PALM2AKAP2: variants seen among roughly 807,000 people sequenced by gnomAD.
PALM2AKAP2 encodes PALM2 and AKAP2 fusion, also known as PALM2-AKAP2 fusion protein.
Under a neutral mutation model 71.5 loss-of-function variants are expected in PALM2AKAP2, and 37 were observed. That is an observed-to-expected ratio of 0.52 (90% confidence interval 0.40 to 0.68). The LOEUF is 0.68. Ranked by LOEUF, PALM2AKAP2 falls within the 30% of genes least tolerant of loss-of-function variation. PALM2AKAP2 has a pLI of 0.00. For synonymous variants in PALM2AKAP2, 468 were observed against 478.8 expected, an observed-to-expected ratio of 0.98 and a Z score of 0.29; for missense variants, 1,224 against 1,191.8, an observed-to-expected ratio of 1.03 and a Z score of -0.40.
intron 6 of PALM2AKAP2, among the ~76,000 whole-genome samples, chr9:110,005,328 C>G (rs1055550226): frequency 6.6e-6 from 1 of 152,168 alleles, no homozygotes; most frequent in African/African-American, 2.4e-5. Context: ...GCAGCGGAGG[C>G]TGCAGAACAG....
intron 6 of PALM2AKAP2, among the ~76,000 whole-genome samples, chr9:109,976,242 G>A (rs1832170864): frequency 1.3e-5 from 2 of 152,188 alleles, no homozygotes; most frequent in Non-Finnish European, 2.9e-5. Context: ...CTTAATATAT[G>A]CCAAGTACTA....
At position 110,009,713 on chromosome 9, in the gene PALM2AKAP2, C is replaced by CAA. The variant is rs535271745; in HGVS notation, c.497-6223_497-6222dup. On this transcript the variant is annotated intron_variant, in intron 6 of 9. Coordinates refer to the PALM2AKAP2 transcript ENST00000302798. ...TGGGCAACAAAGTGAGACTCTGTCT[C>CAA]AAAAAAAAAAAAAAAAAAAGATGCA... 9.0e-3 allele frequency among the ~76,000 whole-genome samples: 650 copies of CAA among 71,840 alleles called. 11 individuals carry two copies. Among genetic ancestry groups the CAA allele is most frequent in the African/African-American group, 0.026 (601 of 23,154 alleles). The allele number at this position is 71,840 out of a possible 152,430, so 47.1% of individuals were successfully genotyped here. A position where few individuals can be genotyped will look rare whatever the true frequency, so the allele number is the denominator to read the frequency against.
intron 3 of PALM2AKAP2, among the ~76,000 whole-genome samples, chr9:110,161,304 A>G (rs1034320916): frequency 6.6e-6 from 1 of 152,188 alleles, no homozygotes; most frequent in African/African-American, 2.4e-5. Flanking sequence ...AATGCTTTAA[A>G]TGCCCCAAGC....
chr9:110,034,992 G>T (rs894534364), intron 7 of PALM2AKAP2, among the ~76,000 whole-genome samples: 7 of 151,726 alleles, frequency 4.6e-5, no homozygotes, highest in African/African-American at 1.7e-4. Flanking sequence ...TAGCTAATGG[G>T]AGAGAAAAAT....
Position 110,049,337 on chromosome 9 carries a change from A to T in PALM2AKAP2, c.156+482A>T, listed in dbSNP as rs1162485894. 5.9e-5 allele frequency among the ~76,000 whole-genome samples: 9 copies of T among 152,166 alleles called. No individual in the cohort carries two copies. In the East Asian group the frequency reaches 1.7e-3, roughly 30 times the overall value. ...GTGGCAGAGCCGGGGGCATTTTCGCAAGTCCTGAACTTTTCAGAGAGACTG... is the reference window on the plus strand; with the variant it reads ...GTGGCAGAGCCGGGGGCATTTTCGCTAGTCCTGAACTTTTCAGAGAGACTG... On this transcript the variant is annotated intron_variant, in intron 1 of 3. Coordinates refer to ENST00000374525, the Ensembl canonical transcript of PALM2AKAP2.
intron 1 of PALM2AKAP2, among the ~76,000 whole-genome samples, chr9:109,790,775 G>A (rs1486945837): frequency 1.3e-5 from 2 of 152,164 alleles, no homozygotes; most frequent in Admixed American, 6.5e-5. Flanking sequence ...CTACTGGGGT[G>A]GGAAGTGCTT....
intron 1 of PALM2AKAP2, among the ~76,000 whole-genome samples, chr9:109,811,362 C>T (rs943782097): frequency 3.3e-5 from 5 of 151,862 alleles, no homozygotes; most frequent in African/African-American, 1.2e-4. Context: ...CAGAGAGGGA[C>T]ATGAGGTGGG....
rs183017739 is a variant in PALM2AKAP2, at chr9:109,767,316, C to T, written c.6-13172C>T. The stretch of plus-strand genomic sequence containing the variant: ...ATTAGTTCCATCAGGGCCGCCCCAC[C>T]GGCCTGTGCCCACCCTAATACCACT... On this transcript the variant is annotated intron_variant, in intron 1 of 6. Transcript: ENST00000374531. 1.1e-4 allele frequency among the ~76,000 whole-genome samples: 16 copies of T among 152,310 alleles called. No individual in the cohort carries two copies. The East Asian group carries it at 2.3e-3, about 22-fold the overall frequency.
intron 1 of PALM2AKAP2, among the ~76,000 whole-genome samples, chr9:109,803,985 C>T (rs10816878): frequency 0.18 from 26,944 of 152,106 alleles, 2,791 homozygotes; most frequent in East Asian, 0.35. Flanking sequence ...GCTTTTTTGG[C>T]CATCCTGAAA....
At chr9:109,793,806 A>T (rs1358130609) in intron 1 of PALM2AKAP2, among the ~76,000 whole-genome samples, 1 of 152,206 alleles carries the variant, frequency 6.6e-6, no homozygotes, top group African/African-American at 2.4e-5. Context: ...GACTCATGAG[A>T]TTTGTATGAA....
intron 1 of PALM2AKAP2, among the ~76,000 whole-genome samples, chr9:109,665,474 GA>G: frequency 6.6e-6 from 1 of 152,322 alleles, no homozygotes; most frequent in East Asian, 1.9e-4. Context: ...GAGTTTGCTA[GA>G]GTTGCACTCC....
At chr9:109,923,467 G>T (rs1030784147) in intron 3 of PALM2AKAP2, among the ~76,000 whole-genome samples, 15 of 152,198 alleles carry the variant, frequency 9.9e-5, no homozygotes, top group Non-Finnish European at 7.3e-5. Context: ...CATGGTGTTG[G>T]CAGGGAAACA....
chr9:109,773,401 T>G (rs1302604152), intron 1 of PALM2AKAP2, among the ~76,000 whole-genome samples: 1 of 152,178 alleles, frequency 6.6e-6, no homozygotes. Context: ...CCTCCCAAAG[T>G]GCTGGGATTG....
At chr9:109,819,797 C>G (rs1376091619) in intron 1 of PALM2AKAP2, among the ~76,000 whole-genome samples, 1 of 151,936 alleles carries the variant, frequency 6.6e-6, no homozygotes, top group Non-Finnish European at 1.5e-5. Context: ...ATCAGCCACC[C>G]TGAGTTGAAA....
intron 1 of PALM2AKAP2, among the ~76,000 whole-genome samples, chr9:109,801,155 C>T (rs1176934991): frequency 6.6e-6 from 1 of 152,182 alleles, no homozygotes; most frequent in Non-Finnish European, 1.5e-5. Context: ...GCTCAGCAGA[C>T]AGACCTGTTG....
At chr9:109,976,072 C>T (rs770786317) in intron 6 of PALM2AKAP2, among the ~76,000 whole-genome samples, 31 of 152,178 alleles carry the variant, frequency 2.0e-4, no homozygotes, top group East Asian at 9.6e-4. Context: ...TTTACTGGAA[C>T]GGAGTGTAGT....
chr9:109,705,303 C>A (rs1828125450), intron 1 of PALM2AKAP2, among the ~76,000 whole-genome samples: 1 of 152,196 alleles, frequency 6.6e-6, no homozygotes, highest in African/African-American at 2.4e-5. Context: ...TTACTGGATG[C>A]CATTGTTTGT....
intron 1 of PALM2AKAP2, among the ~76,000 whole-genome samples, chr9:109,733,697 TC>T (rs1828588228): frequency 6.6e-6 from 1 of 152,236 alleles, no homozygotes; most frequent in Non-Finnish European, 1.5e-5. Flanking sequence ...ATGTAATTTT[TC>T]CCTCAATTTT....
At chr9:109,747,734 A>G (rs899296673) in intron 1 of PALM2AKAP2, among the ~76,000 whole-genome samples, 1 of 151,978 alleles carries the variant, frequency 6.6e-6, no homozygotes, top group African/African-American at 2.4e-5. Flanking sequence ...CAGTGGCATG[A>G]TCTCGGCTCA....
Sources: allele counts gnomAD v4.1 joint callset (sites outside exome capture counted in the v4.1 genomes callset), GRCh38; gene constraint gnomAD v4.1.1; transcripts MANE v1.5; gene names NCBI Gene and HGNC (gene_info 2026-07-23, HGNC 2026-07-21).